The following NCOA2 variants were observed in gnomAD, a reference collection of about 807,000 sequenced individuals.
NCOA2 encodes class E basic helix-loop-helix protein 75.
Under a neutral mutation model 145.1 loss-of-function variants are expected in NCOA2, and 21 were observed. The observed-to-expected ratio is 0.14, with a 90% CI of 0.10 to 0.21. The LOEUF (loss-of-function observed/expected upper bound fraction) is 0.21, where lower values mean the gene tolerates loss of function less well. Among genes scored for constraint, NCOA2 ranks in the 10% least tolerant of loss-of-function variants. The pLI is 1.00. For synonymous variants in NCOA2, 619 were observed against 637.5 expected (o/e 0.97, Z 0.44); for missense variants, 1,472 against 1,837.6 (o/e 0.80, Z 3.64).
At chr8:70,393,274 G>A (rs1011740167) in intron 1 of NCOA2, among the ~76,000 whole-genome samples, 2 of 152,160 alleles carry the variant, frequency 1.3e-5, no homozygotes, top group African/African-American at 4.8e-5. Flanking sequence ...AAGAGCTTTG[G>A]GGCTTAGTGG....
intron 1 of NCOA2, among the ~76,000 whole-genome samples, chr8:70,373,638 T>A (rs181926294): frequency 1.5e-3 from 235 of 152,344 alleles, no homozygotes; most frequent in Non-Finnish European, 2.8e-3. Flanking sequence ...TATTATCTTG[T>A]GCTAAGTTTA....
chr8:70,384,038 C>A (rs759029612), intron 1 of NCOA2, among the ~76,000 whole-genome samples: 3 of 152,094 alleles, frequency 2.0e-5, no homozygotes, highest in Admixed American at 6.5e-5. Context: ...TAACCATGGG[C>A]AAACCTCTGT....
intron 4 of NCOA2, among the ~76,000 whole-genome samples, chr8:70,207,647 T>C (rs1236158060): frequency 6.6e-6 from 1 of 151,960 alleles, no homozygotes; most frequent in Non-Finnish European, 1.5e-5. Flanking sequence ...GTGGATCACC[T>C]TAGGTTAGGA....
At chr8:70,446,850 A>C in the NCOA2 span, among the ~76,000 whole-genome samples, 2 of 152,236 alleles carry the variant, frequency 1.3e-5, no homozygotes, top group African/African-American at 2.4e-5. Flanking sequence ...TGGAAACTTC[A>C]AGATTTGATG....
intron 1 of NCOA2, among the ~76,000 whole-genome samples, chr8:70,390,770 A>G (rs542048933): frequency 6.6e-6 from 1 of 152,238 alleles, no homozygotes; most frequent in South Asian, 2.1e-4. Context: ...CCTGTCTCTA[A>G]AACAACAATA....
intron 4 of NCOA2, among the ~76,000 whole-genome samples, chr8:70,182,557 G>C (rs1815607724): frequency 6.6e-6 from 1 of 152,170 alleles, no homozygotes; most frequent in African/African-American, 2.4e-5. Context: ...TAGGCTTTGA[G>C]TATAGACAGA....
chr8:70,121,425 G>A, intron 21 of NCOA2, 34 bp from the exon 22 acceptor site: 1 of 1,544,358 alleles, frequency 6.5e-7, no homozygotes, highest in Non-Finnish European at 8.9e-7. Flanking sequence ...TGGCTACGCA[G>A]AGCAGAATGT....
chr8:70,145,916 C>A (rs902839424), intron 12 of NCOA2, among the ~76,000 whole-genome samples: 3 of 152,228 alleles, frequency 2.0e-5, no homozygotes, highest in African/African-American at 2.4e-5. Context: ...CAGGCATGAG[C>A]CACCGTGTCT....
intron 12 of NCOA2, among the ~76,000 whole-genome samples, chr8:70,145,232 A>G (rs1400171676): frequency 1.3e-5 from 2 of 152,180 alleles, no homozygotes; most frequent in Admixed American, 1.3e-4. Flanking sequence ...ATCTCGGCTC[A>G]TTACAACCTC....
At chr8:70,359,981 T>TGCAATCC (rs1386616907) in intron 1 of NCOA2, among the ~76,000 whole-genome samples, 12 of 152,216 alleles carry the variant, frequency 7.9e-5, no homozygotes, top group Admixed American at 3.3e-4. Context: ...CTTCCTAGGC[T>TGCAATCC]CTAAGTTTTG....
chr8:70,369,255 G>A (rs1189036338), intron 1 of NCOA2, among the ~76,000 whole-genome samples: 4 of 152,204 alleles, frequency 2.6e-5, no homozygotes, highest in African/African-American at 4.8e-5. Flanking sequence ...TTAAACATAC[G>A]AAACATTTGG....
chr8:70,351,723 C>G (rs545411046), intron 1 of NCOA2, among the ~76,000 whole-genome samples: 1 of 148,228 alleles, frequency 6.7e-6, no homozygotes, highest in Non-Finnish European at 1.5e-5. Context: ...GTAGCTAGGA[C>G]TATAGGCACA....
At chr8:70,381,484 T>C (rs1275906262) in intron 1 of NCOA2, among the ~76,000 whole-genome samples, 2 of 152,186 alleles carry the variant, frequency 1.3e-5, no homozygotes, top group Admixed American at 1.3e-4. Context: ...TGATAAAAGT[T>C]ATTACAGGGA....
chr8:70,374,790 T>C (rs1342490723), intron 1 of NCOA2, among the ~76,000 whole-genome samples: 1 of 148,256 alleles, frequency 6.7e-6, no homozygotes, highest in African/African-American at 2.5e-5. Flanking sequence ...AAAGATGCTG[T>C]CTCTTTAAAA....
At chr8:70,157,277 G>T in intron 10 of NCOA2, 37 bp from the exon 11 acceptor site, 1 of 1,484,948 alleles carries the variant, frequency 6.7e-7, no homozygotes, top group Non-Finnish European at 9.0e-7. Context: ...TAAGATAAAA[G>T]GAAAAATACT....
chr8:70,296,754 A>G lies in NCOA2; in HGVS notation c.-30T>C, dbSNP rs1046375092. 1.3e-5 allele frequency: 2 copies of G among 152,230 alleles called. No individual in the cohort carries two copies. Among genetic ancestry groups the G allele is most frequent in the African/African-American group, 4.8e-5 (2 of 41,468 alleles). 9.4% of individuals were successfully genotyped at this position (152,230 alleles called of 1,614,324 possible). On this transcript the variant is annotated 5_prime_UTR_variant, in exon 2 of 23. Transcript: ENST00000452400. ...TCAACGTTAACTCACCTGTGCCTGT[A>G]AACAGTGCAGAAGATCTATAAGTGT...
At chr8:70,335,431 T>C (rs1807501238) in intron 1 of NCOA2, among the ~76,000 whole-genome samples, 1 of 152,182 alleles carries the variant, frequency 6.6e-6, no homozygotes, top group African/African-American at 2.4e-5. Flanking sequence ...TGAAGGGCTT[T>C]CTTCTGTGTG....
At chr8:70,190,697 C>CA (rs1359834264) in intron 4 of NCOA2, among the ~76,000 whole-genome samples, 9 of 151,826 alleles carry the variant, frequency 5.9e-5, no homozygotes, top group Non-Finnish European at 1.0e-4. Context: ...ACTAAAAATA[C>CA]AAAAAAAATT....
chr8:70,451,090 C>CTACAG, the NCOA2 span, among the ~76,000 whole-genome samples: 8 of 149,192 alleles, frequency 5.4e-5, no homozygotes, highest in Non-Finnish European at 1.0e-4. Flanking sequence ...TGGTGGCGGG[C>CTACAG]GCCTGTAGTC....
Sources: gnomAD v4.1 joint callset for allele counts (sites outside exome capture counted in the v4.1 genomes callset) on GRCh38, gnomAD v4.1.1 for gene constraint, MANE v1.5 for transcripts, NCBI Gene and HGNC (gene_info 2026-07-23, HGNC 2026-07-21) for gene names.